ECT2L: variants seen among roughly 807,000 people sequenced by gnomAD.
ECT2L encodes the protein epithelial cell transforming 2 like, also known as epithelial cell-transforming sequence 2 oncogene-like.
Under a neutral mutation model 122.8 loss-of-function variants are expected in ECT2L, and 126 were observed. That is an observed-to-expected ratio of 1.03 (90% CI 0.89 to 1.19). The LOEUF is 1.19. Among genes scored for constraint, ECT2L ranks in the 50% most tolerant of loss-of-function variants. The pLI, the probability that ECT2L is intolerant of heterozygous loss-of-function variation, is 0.00. For synonymous variants in ECT2L, 385 were observed against 381.8 expected, an observed-to-expected ratio of 1.01 and a Z score of -0.10; for missense variants, 1,012 against 1,064.1, an observed-to-expected ratio of 0.95 and a Z score of 0.68.
chr6:138,868,106 A>T lies in ECT2L; in HGVS notation c.1478A>T (p.Gln493Leu). The change falls in exon 13 of 22, where the codon CAG (glutamine) becomes CTG (leucine). Residue 493 changes from glutamine (Q) to leucine (L), a missense_variant. Coordinates refer to ENST00000541398, the MANE Select transcript of ECT2L (RefSeq NM_001077706.3). ...QKSISGRMIGQFMFDTMGMTN... is the reference protein window; with the variant it reads ...QKSISGRMIGLFMFDTMGMTN... ...GCATGTGGCCTTGTATTTACAGGGCAGTTTATGTTTGACACCATGGGTATG... is the reference window on the plus strand; with the variant it reads ...GCATGTGGCCTTGTATTTACAGGGCTGTTTATGTTTGACACCATGGGTATG... 1 of 1,605,500 alleles carries T rather than the reference A, an allele frequency of 6.2e-7. No homozygotes were observed. Among genetic ancestry groups the T allele is most frequent in the Non-Finnish European group, 8.5e-7 (1 of 1,175,950 alleles).
intron 20 of ECT2L, among the ~76,000 whole-genome samples, chr6:138,892,070 A>G (rs1006160886): frequency 6.6e-6 from 1 of 151,938 alleles, no homozygotes; most frequent in Non-Finnish European, 1.5e-5. Flanking sequence ...TATGCATATG[A>G]TTTGCCTTTT....
chr6:138,844,387 C>T, intron 6 of ECT2L, 25 bp from the exon 7 acceptor site: 1 of 1,609,438 alleles, frequency 6.2e-7, no homozygotes, highest in Non-Finnish European at 8.5e-7. Context: ...GTAATCAGCC[C>T]CGCCTGCTGT....
Position 138,876,469 on chromosome 6 carries a change from C to T in ECT2L, c.1579-3C>T. On this transcript the variant is annotated splice_region_variant and splice_polypyrimidine_tract_variant and intron_variant, in intron 13 of 21. Coordinates refer to ENST00000541398, the MANE Select transcript of ECT2L (RefSeq NM_001077706.3). ...AATAACCAAGTTTCCATTCAATCTT[C>T]AGGAAAGAAATGTTGTAGAAGACAA... is the stretch of plus-strand genomic sequence containing the variant. 1 of 1,607,210 alleles carries T rather than the reference C, an allele frequency of 6.2e-7. No individual in the cohort carries two copies. Among genetic ancestry groups the T allele is most frequent in the Non-Finnish European group, 8.5e-7 (1 of 1,174,688 alleles).
intron 4 of ECT2L, among the ~76,000 whole-genome samples, chr6:138,834,112 A>G (rs1326340950): frequency 2.0e-5 from 3 of 152,196 alleles, no homozygotes; most frequent in Non-Finnish European, 4.4e-5. Context: ...TATTTTTGCA[A>G]AGTACACATT....
intron 4 of ECT2L, among the ~76,000 whole-genome samples, chr6:138,837,541 A>G (rs79092178): frequency 0.023 from 3,531 of 152,108 alleles, 134 homozygotes; most frequent in African/African-American, 0.08. Flanking sequence ...AATAAATCGC[A>G]TAATATAGTG....
rs1172466449 is a variant in ECT2L, at chr6:138,864,002, T to TAAAAAAA, written c.1292-973_1292-967dup. Among the ~76,000 whole-genome samples, 12 of 55,868 alleles carry TAAAAAAA rather than the reference T, an allele frequency of 2.1e-4. 1 individual carries two copies. Among genetic ancestry groups the TAAAAAAA allele is most frequent in the African/African-American group, 7.8e-4 (10 of 12,776 alleles). 36.7% of individuals were successfully genotyped at this position (55,868 alleles called of 152,430 possible). A position where few individuals can be genotyped will look rare whatever the true frequency, so the allele number is the denominator to read the frequency against. ...CTCTCTTGTTCTCATTCTCCGTATT[T>TAAAAAAA]AAAAAAAAAAAAAAAAAAAAAAAAA... On this transcript the variant is annotated intron_variant, in intron 11 of 21. Coordinates refer to ENST00000541398, the MANE Select transcript of ECT2L (RefSeq NM_001077706.3).
chr6:138,838,403 C>G lies in ECT2L; in HGVS notation c.231C>G (p.Phe77Leu). The part of the protein sequence containing the change: ...SERMQVAKVD[F>L]STVLPRFISL... ...GGATGCAAGTGGCCAAAGTGGACTT[C>G]TCTACAGTGTTACCACGCTTCATTT... is the stretch of plus-strand genomic sequence containing the variant. The change falls in exon 5 of 22, where the codon TTC becomes TTG. Residue 77 changes from phenylalanine (F) to leucine (L), a missense_variant. Physicochemically the swap from Phe to Leu is conservative, Grantham distance 22. Transcript: ENST00000541398. The G allele has an allele frequency of 1.2e-6, 2 of 1,613,552 alleles. No homozygotes were observed. The highest frequency in any genetic ancestry group is 1.7e-6 in the Non-Finnish European group (2 of 1,179,798).
Position 138,900,930 on chromosome 6 carries a change from T to G in ECT2L, c.2415-18T>G. 1.2e-6 allele frequency: 2 copies of G among 1,609,520 alleles called. No homozygotes were observed. The highest frequency in any genetic ancestry group is 1.7e-6 in the Non-Finnish European group (2 of 1,178,258). On this transcript the variant is annotated intron_variant, in intron 20 of 21. Transcript: ENST00000541398. ...GTATGTTATGTATTAAAACTGTACCTTCTCCATTTTAACACAGGCTCTATG... is the reference window on the plus strand; with the variant it reads ...GTATGTTATGTATTAAAACTGTACCGTCTCCATTTTAACACAGGCTCTATG...
At chr6:138,825,043 A>C (rs189109116) in intron 4 of ECT2L, among the ~76,000 whole-genome samples, 2 of 152,162 alleles carry the variant, frequency 1.3e-5, no homozygotes, top group Non-Finnish European at 2.9e-5. Context: ...GACATAACAA[A>C]GAAGTAGCTA....
intron 20 of ECT2L, among the ~76,000 whole-genome samples, chr6:138,893,581 T>A (rs1047826900): frequency 6.6e-6 from 1 of 151,762 alleles, no homozygotes; most frequent in Non-Finnish European, 1.5e-5. Flanking sequence ...CTGTTACTGC[T>A]CGGCTAATTT....
intron 13 of ECT2L, among the ~76,000 whole-genome samples, chr6:138,871,558 C>T (rs141071976): frequency 0.091 from 13,834 of 152,152 alleles, 879 homozygotes; most frequent in East Asian, 0.28. Flanking sequence ...GTAATCCCAG[C>T]CCTTTGGGAG....
chr6:138,858,901 T>TCTC (rs945380476), intron 10 of ECT2L, among the ~76,000 whole-genome samples: 3 of 151,656 alleles, frequency 2.0e-5, no homozygotes, highest in Non-Finnish European at 4.4e-5. Context: ...AGAGACAGGG[T>TCTC]CTCCCTATGT....
At chr6:138,858,131 G>A (rs918947759) in intron 10 of ECT2L, among the ~76,000 whole-genome samples, 1 of 152,124 alleles carries the variant, frequency 6.6e-6, no homozygotes, top group Non-Finnish European at 1.5e-5. Context: ...TTTGGGTGGG[G>A]ACACAGCCAA....
intron 21 of ECT2L, among the ~76,000 whole-genome samples, chr6:138,902,207 C>T (rs1779419402): frequency 1.3e-5 from 2 of 152,312 alleles, no homozygotes; most frequent in Admixed American, 1.3e-4. Flanking sequence ...AAGACTGTTA[C>T]TGATTCCAGT....
At chr6:138,869,469 G>C (rs1466869678) in intron 13 of ECT2L, among the ~76,000 whole-genome samples, 1 of 152,192 alleles carries the variant, frequency 6.6e-6, no homozygotes, top group African/African-American at 2.4e-5. Context: ...TGCACTGGGT[G>C]GGGGCTGCGA....
At position 138,881,112 on chromosome 6, in the gene ECT2L, G is replaced by C. The variant is rs767445156; in HGVS notation, c.1821G>C (p.Leu607=). The change falls in exon 15 of 22, where the codon CTG becomes CTC. Residue 607 remains leucine (L), a synonymous_variant. Transcript: ENST00000541398. ...KAALSSNRAI[L]SAANIQIIFC... is the part of the protein sequence containing the mutation. Reference sequence around the variant, plus strand: ...CATTGTCATCAAACAGAGCGATTCTGAGTGCTGCCAATATCCAGATCATTT... The same window carrying C: ...CATTGTCATCAAACAGAGCGATTCTCAGTGCTGCCAATATCCAGATCATTT... The C allele has an allele frequency of 3.1e-6, 5 of 1,614,080 alleles. No homozygotes were observed. The African/African-American group carries it at 6.7e-5, about 22-fold the overall frequency.
intron 16 of ECT2L, among the ~76,000 whole-genome samples, chr6:138,883,333 T>G (rs1355204603): frequency 6.6e-6 from 1 of 152,288 alleles, no homozygotes; most frequent in Non-Finnish European, 1.5e-5. Flanking sequence ...GAGTAAATTA[T>G]TAACAGTTTT....
At chr6:138,834,556 T>G (rs1776757299) in intron 4 of ECT2L, among the ~76,000 whole-genome samples, 1 of 152,168 alleles carries the variant, frequency 6.6e-6, no homozygotes, top group South Asian at 2.1e-4. Context: ...CTAAAGATAC[T>G]GAGACCCTTC....
At chr6:138,850,624 C>G (rs1172326890) in intron 9 of ECT2L, among the ~76,000 whole-genome samples, 2 of 152,204 alleles carry the variant, frequency 1.3e-5, no homozygotes, top group African/African-American at 4.8e-5. Flanking sequence ...ATGCAACCAT[C>G]TCTTTGAGAT....
Sources: allele counts gnomAD v4.1 joint callset (sites outside exome capture counted in the v4.1 genomes callset), GRCh38; gene constraint gnomAD v4.1.1; transcripts MANE v1.5; gene names NCBI Gene and HGNC (gene_info 2026-07-23, HGNC 2026-07-21).